Variants in SPATA21 observed in about 807,000 individuals in gnomAD.
The protein encoded by SPATA21 is spermatogenesis-associated protein 21.
In SPATA21, 47 loss-of-function variants were observed where a neutral mutation model predicts 54.8. That is an observed-to-expected ratio of 0.86 (90% CI 0.68 to 1.09). SPATA21 has a LOEUF of 1.09. Ranked by LOEUF, SPATA21 falls within the 50% of genes least tolerant of loss-of-function variation. The probability of loss-of-function intolerance (pLI) is 0.00; values close to 1 mark genes in which losing one functional copy is unlikely to be tolerated. For synonymous variants in SPATA21, 245 were observed against 235.3 expected (o/e 1.04, Z -0.38); for missense variants, 599 against 596.4 (o/e 1.00, Z -0.05).
In SPATA21 at chr1:16,411,802, A is replaced by C. The variant is rs537292356; in HGVS notation, c.145-1759T>G. On this transcript the variant is annotated intron_variant, in intron 5 of 12. Transcript: ENST00000335496. ...AAGACTCTGTCTCAAAAAAAAAAAA[A>C]AAAAAACAAAACAAAACAAAGTCTC... Among the ~76,000 whole-genome samples, 145 of 134,380 alleles carry C rather than the reference A, an allele frequency of 1.1e-3. 2 individuals are homozygous for C. The highest frequency in any genetic ancestry group is 3.9e-3 in the African/African-American group (140 of 36,290). The allele number at this position is 134,380 out of a possible 152,430, so 88.2% of individuals were successfully genotyped here. A position where few individuals can be genotyped will look rare whatever the true frequency, so the allele number is the denominator to read the frequency against.
intron 5 of SPATA21, among the ~76,000 whole-genome samples, chr1:16,416,608 G>A (rs1020104483): frequency 9.9e-5 from 15 of 151,770 alleles, no homozygotes; most frequent in African/African-American, 3.6e-4. Flanking sequence ...AACCCGGGAG[G>A]TGGAGGTTGC....
chr1:16,433,775 G>C (rs1387621332), intron 1 of SPATA21, among the ~76,000 whole-genome samples: 1 of 152,178 alleles, frequency 6.6e-6, no homozygotes, highest in Admixed American at 6.5e-5. Flanking sequence ...GGGTAGAACT[G>C]GGAGAGAAGT....
At chr1:16,398,847 G>A (rs1450962503) in intron 12 of SPATA21, 25 bp from the exon 13 acceptor site, 11 of 1,607,586 alleles carry the variant, frequency 6.8e-6, no homozygotes, top group African/African-American at 1.3e-5. Flanking sequence ...AGGGCAGAAG[G>A]GTGGGAGACA....
intron 5 of SPATA21, among the ~76,000 whole-genome samples, chr1:16,413,395 C>T (rs2085909736): frequency 6.6e-6 from 1 of 152,192 alleles, no homozygotes; most frequent in African/African-American, 2.4e-5. Flanking sequence ...GTACAGACCA[C>T]ATTTGGCATA....
rs778670029 is a variant in SPATA21 at position 16,426,557 on chromosome 1, C to CTATATATA, written c.35-4594_35-4587dup. On this transcript the variant is annotated intron_variant, in intron 3 of 12. Transcript: ENST00000335496. ...TACAGGCGTGAACCATGGTGCCCGG[C>CTATATATA]TATATATATATATATATATATATTT... 6.0e-3 allele frequency among the ~76,000 whole-genome samples: 516 copies of CTATATATA among 85,770 alleles called. 3 individuals are homozygous for CTATATATA. Among genetic ancestry groups the CTATATATA allele is most frequent in the Non-Finnish European group, 9.4e-3 (417 of 44,366 alleles). The allele number at this position is 85,770 out of a possible 152,430, so 56.3% of individuals were successfully genotyped here.
chr1:16,410,804 C>T, intron 5 of SPATA21: 1 of 398,878 alleles, frequency 2.5e-6, no homozygotes. Flanking sequence ...CCTTGGCCTC[C>T]CAAAGTGCTG....
At position 16,421,773 on chromosome 1, in the gene SPATA21, TTGA is replaced by T; in HGVS notation, c.95+135_95+137del. The T allele has an allele frequency of 7.4e-7, 1 of 1,355,148 alleles. No individual in the cohort carries two copies. The highest frequency in any genetic ancestry group is 1.0e-6 in the Non-Finnish European group (1 of 961,716). The allele number at this position is 1,355,148 out of a possible 1,614,324, so 83.9% of individuals were successfully genotyped here. A position where few individuals can be genotyped will look rare whatever the true frequency, so the allele number is the denominator to read the frequency against. ...TCCAGCCATTACACAGATGGGGAAATTGAGACCCAGCGGAGCATGACTTGCCCA... is the reference window on the plus strand; with the variant it reads ...TCCAGCCATTACACAGATGGGGAAATGACCCAGCGGAGCATGACTTGCCCA... On this transcript the variant is annotated intron_variant, in intron 4 of 12. Transcript: ENST00000335496. This position sits in a 1 kb window ranked among gnomAD's most constrained non-coding sequence, Gnocchi z 5.2.
intron 1 of SPATA21, among the ~76,000 whole-genome samples, chr1:16,434,557 A>G (rs976010578): frequency 6.6e-6 from 1 of 152,060 alleles, no homozygotes; most frequent in African/African-American, 2.4e-5. Context: ...TGGCCTCCCA[A>G]AGTGCTGAGA....
At position 16,431,415 on chromosome 1, in the gene SPATA21, G is replaced by C; in HGVS notation, c.-44C>G. 6.2e-7 allele frequency: 1 copy of C among 1,612,292 alleles called. No homozygotes were observed. The highest frequency in any genetic ancestry group is 2.2e-5 in the East Asian group (1 of 44,864). On this transcript the variant is annotated 5_prime_UTR_variant, in exon 3 of 13. Transcript: ENST00000335496. ...GGTGCCAAGTGAGGGGCATCACCTA[G>C]TGTGCTCCTACAGGAGAAATCCAAT...
At chr1:16,402,336 A>C (rs1415623334) in intron 10 of SPATA21, among the ~76,000 whole-genome samples, 1 of 125,754 alleles carries the variant, frequency 8.0e-6, no homozygotes, top group Non-Finnish European at 1.5e-5. Context: ...ATCTCAGCTC[A>C]CTGCAACCTC....
chr1:16,402,350 C>T (rs1261760802), intron 10 of SPATA21, among the ~76,000 whole-genome samples: 1 of 147,626 alleles, frequency 6.8e-6, no homozygotes, highest in Non-Finnish European at 1.5e-5. Flanking sequence ...CAACCTCCGC[C>T]TCCTGGGTTC....
chr1:16,418,800 C>T (rs2086089350), intron 5 of SPATA21, among the ~76,000 whole-genome samples: 1 of 152,168 alleles, frequency 6.6e-6, no homozygotes, highest in Non-Finnish European at 1.5e-5. Flanking sequence ...CCTCGGCCTC[C>T]CAAAGTGCTT....
intron 7 of SPATA21, among the ~76,000 whole-genome samples, chr1:16,406,272 G>A (rs1317002103): frequency 1.3e-5 from 2 of 152,038 alleles, no homozygotes; most frequent in East Asian, 1.9e-4. Context: ...GGCATGAGCC[G>A]CTGCGCCCGG....
At chr1:16,400,032 G>T (rs1381992567) in intron 11 of SPATA21, among the ~76,000 whole-genome samples, 2 of 145,738 alleles carry the variant, frequency 1.4e-5, no homozygotes, top group Non-Finnish European at 3.0e-5. Flanking sequence ...TTTCATTTTT[G>T]TTTTTTTTTT....
intron 5 of SPATA21, among the ~76,000 whole-genome samples, chr1:16,416,373 A>C (rs1443998122): frequency 2.0e-5 from 3 of 152,112 alleles, no homozygotes; most frequent in Non-Finnish European, 4.4e-5. Flanking sequence ...TCTGAAGATT[A>C]CACAGTTAAA....
Position 16,409,034 on chromosome 1 carries a change from A to C in SPATA21, c.673+84T>G. On this transcript the variant is annotated intron_variant, in intron 7 of 12. Coordinates refer to ENST00000335496, the MANE Select transcript of SPATA21 (RefSeq NM_198546.1). This position sits in a 1 kb window ranked among gnomAD's most constrained non-coding sequence, Gnocchi z 4.1. Reference sequence around the variant, plus strand: ...GCGGCAGCCATGTGATCTGGAAAGCACCCCAGTCCGCCCTGCGCCTATAAA... The same window carrying C: ...GCGGCAGCCATGTGATCTGGAAAGCCCCCCAGTCCGCCCTGCGCCTATAAA... 7.0e-7 allele frequency: 1 copy of C among 1,438,166 alleles called. No individual in the cohort carries two copies. The highest frequency in any genetic ancestry group is 9.7e-7 in the Non-Finnish European group (1 of 1,028,370). The allele number at this position is 1,438,166 out of a possible 1,614,324, so 89.1% of individuals were successfully genotyped here. A position where few individuals can be genotyped will look rare whatever the true frequency, so the allele number is the denominator to read the frequency against.
Position 16,409,092 on chromosome 1 carries a change from G to T in SPATA21, c.673+26C>A. 6.2e-7 allele frequency: 1 copy of T among 1,612,688 alleles called. No individual in the cohort carries two copies. Among genetic ancestry groups the T allele is most frequent in the Non-Finnish European group, 8.5e-7 (1 of 1,178,816 alleles). On this transcript the variant is annotated intron_variant, in intron 7 of 12. Transcript: ENST00000335496. This position sits in a 1 kb window ranked among gnomAD's most constrained non-coding sequence, Gnocchi z 4.1. ...GGACCAAGGGTCCTGCCTGTGCTGG[G>T]ACCTCCCTGACCTCCCTGCCCTCAC...
chr1:16,399,164 G>C (rs2085365859), intron 12 of SPATA21, among the ~76,000 whole-genome samples, 180 bp downstream of exon 12: 1 of 152,190 alleles, frequency 6.6e-6, no homozygotes, highest in African/African-American at 2.4e-5. Context: ...ACAATCTGCT[G>C]GGTACACAGG....
chr1:16,409,503 G>GGGAACAGGCAGGTGCA lies in SPATA21; in HGVS notation c.587+82_587+97dup. On this transcript the variant is annotated intron_variant, in intron 6 of 12. Transcript: ENST00000335496. The surrounding 1 kb of genome is among the most constrained non-coding windows in gnomAD (Gnocchi z 4.1). ...GAAATGGAGAGAGGGGGACACACGA[G>GGGAACAGGCAGGTGCA]GGAACAGGCAGGTGCAGGGACAGGG... The GGGAACAGGCAGGTGCA allele has an allele frequency of 1.6e-6, 2 of 1,277,886 alleles. No individual in the cohort carries two copies. The highest frequency in any genetic ancestry group is 2.2e-6 in the Non-Finnish European group (2 of 928,528). 79.2% of individuals were successfully genotyped at this position (1,277,886 alleles called of 1,614,324 possible). A position where few individuals can be genotyped will look rare whatever the true frequency, so the allele number is the denominator to read the frequency against.
Sources: allele counts gnomAD v4.1 joint callset (sites outside exome capture counted in the v4.1 genomes callset), GRCh38; gene constraint gnomAD v4.1.1; non-coding constraint Gnocchi (gnomAD v3.1); transcripts MANE v1.5; gene names NCBI Gene and HGNC (gene_info 2026-07-23, HGNC 2026-07-21).